Variants in CERS6 observed in about 807,000 individuals in gnomAD.
CERS6 encodes ceramide synthase 6.
CERS6 carries 26 observed loss-of-function variants against 56.8 expected under a neutral mutation model. That is an observed-to-expected ratio of 0.46 (90% CI 0.34 to 0.63). The LOEUF is 0.63. Ranked by LOEUF, CERS6 falls within the 30% of genes least tolerant of loss-of-function variation. CERS6 has a pLI of 0.01. For synonymous variants in CERS6, 164 were observed against 173.3 expected (o/e 0.95, Z 0.42); for missense variants, 415 against 467.5 (o/e 0.89, Z 1.04).
chr2:168,634,435 T>A (rs149669419), intron 4 of CERS6, among the ~76,000 whole-genome samples: 5,733 of 152,194 alleles, frequency 0.038, 305 homozygotes, highest in African/African-American at 0.12. Context: ...TTTTTTGAGA[T>A]GGAGTCTCGC....
chr2:168,586,651 C>T (rs1437732454), intron 3 of CERS6, among the ~76,000 whole-genome samples: 1 of 152,092 alleles, frequency 6.6e-6, no homozygotes, highest in Non-Finnish European at 1.5e-5. Flanking sequence ...CCATAAGTTT[C>T]ACACGTTGTC....
chr2:168,607,145 T>C (rs1045777920), intron 3 of CERS6, among the ~76,000 whole-genome samples: 2 of 151,912 alleles, frequency 1.3e-5, no homozygotes, highest in Non-Finnish European at 2.9e-5. Context: ...TTTAAATGGT[T>C]TTTACATTTT....
At chr2:168,527,886 A>G (rs577654435) in intron 1 of CERS6, among the ~76,000 whole-genome samples, 47 of 152,004 alleles carry the variant, frequency 3.1e-4, no homozygotes, top group South Asian at 1.0e-3. Flanking sequence ...ACACCAGGCT[A>G]ATTTTTGCAT....
intron 3 of CERS6, among the ~76,000 whole-genome samples, chr2:168,625,442 A>C (rs1018975651): frequency 1.3e-5 from 2 of 152,220 alleles, no homozygotes; most frequent in African/African-American, 4.8e-5. Flanking sequence ...AAATATACTT[A>C]AAAGTCAGTA....
chr2:168,679,451 A>G (rs1366974777), intron 4 of CERS6, among the ~76,000 whole-genome samples: 1 of 152,220 alleles, frequency 6.6e-6, no homozygotes, highest in Non-Finnish European at 1.5e-5. Context: ...TACAATTACA[A>G]TGTGTCAATT....
In CERS6 at chr2:168,604,196, C is replaced by A. The variant is rs936503501; in HGVS notation, c.408-26789C>A. On this transcript the variant is annotated intron_variant, in intron 3 of 9. Coordinates refer to ENST00000305747, the MANE Select transcript of CERS6 (RefSeq NM_203463.3). ...TTGATTTTAGTCCTTTTCCCTTAAC[C>A]CTATTTCCTGGCTGACTTGAAAATT... 1.6e-4 allele frequency among the ~76,000 whole-genome samples: 24 copies of A among 152,154 alleles called. 1 individual carries two copies. The highest frequency in any genetic ancestry group is 2.9e-4 in the Non-Finnish European group (20 of 68,030).
chr2:168,699,731 A>G (rs1239997601), intron 6 of CERS6, among the ~76,000 whole-genome samples: 1 of 152,156 alleles, frequency 6.6e-6, no homozygotes, highest in African/African-American at 2.4e-5. Flanking sequence ...TTGGTCAGTG[A>G]TGAGAAATAC....
intron 8 of CERS6, among the ~76,000 whole-genome samples, chr2:168,736,704 G>T (rs1462547696): frequency 6.6e-6 from 1 of 152,250 alleles, no homozygotes; most frequent in Non-Finnish European, 1.5e-5. Context: ...CAGGGAAAGT[G>T]AAGAATAATC....
In CERS6 at chr2:168,512,067, A is replaced by G. The variant is rs79677864; in HGVS notation, c.171-35529A>G. Reference sequence around the variant, plus strand: ...CCCTTAGCACGTTAGCCTAAGTGAAATAAGGCAGTCATAAAAGAAAAACTG... The same window carrying G: ...CCCTTAGCACGTTAGCCTAAGTGAAGTAAGGCAGTCATAAAAGAAAAACTG... On this transcript the variant is annotated intron_variant, in intron 1 of 9. Transcript: ENST00000305747. 3.6e-3 allele frequency among the ~76,000 whole-genome samples: 542 copies of G among 152,330 alleles called. 2 individuals carry two copies. The highest frequency in any genetic ancestry group is 0.012 in the African/African-American group (490 of 41,578).
intron 8 of CERS6, among the ~76,000 whole-genome samples, chr2:168,721,893 T>TA (rs1683184441): frequency 1.3e-5 from 2 of 152,266 alleles, no homozygotes; most frequent in South Asian, 4.1e-4. Flanking sequence ...GTGCTGGTAT[T>TA]ACAGGTATGA....
intron 3 of CERS6, among the ~76,000 whole-genome samples, chr2:168,612,635 AT>A (rs1337534617): frequency 1.3e-5 from 2 of 152,236 alleles, no homozygotes; most frequent in African/African-American, 2.4e-5. Flanking sequence ...GAGACATCAT[AT>A]GGGTTGCCTA....
chr2:168,527,182 T>G (rs1695085793), intron 1 of CERS6, among the ~76,000 whole-genome samples: 1 of 152,220 alleles, frequency 6.6e-6, no homozygotes, highest in South Asian at 2.1e-4. Context: ...CCCCTTAGCA[T>G]CAGTGGATTT....
At chr2:168,709,022 C>T (rs953008630) in intron 6 of CERS6, among the ~76,000 whole-genome samples, 1 of 152,104 alleles carries the variant, frequency 6.6e-6, no homozygotes, top group African/African-American at 2.4e-5. Flanking sequence ...CAGAGATTCT[C>T]TACAGCTTGA....
chr2:168,505,172 TAGAG>T (rs1036154610), intron 1 of CERS6, among the ~76,000 whole-genome samples: 3 of 151,762 alleles, frequency 2.0e-5, no homozygotes, highest in African/African-American at 7.3e-5. Flanking sequence ...GCCCAGGATT[TAGAG>T]AGAGAAGCCT....
intron 8 of CERS6, among the ~76,000 whole-genome samples, chr2:168,756,796 T>C (rs1684427103): frequency 6.6e-6 from 1 of 152,160 alleles, no homozygotes. Flanking sequence ...CAAGTCTCAG[T>C]GTCCCCCACC....
chr2:168,754,585 C>T (rs569979235), intron 8 of CERS6, among the ~76,000 whole-genome samples: 1 of 152,208 alleles, frequency 6.6e-6, no homozygotes, highest in African/African-American at 2.4e-5. Flanking sequence ...GGAATTTGAT[C>T]CCTGAAGAGT....
In CERS6 at chr2:168,721,578, C is replaced by A. The variant is rs1033297715; in HGVS notation, c.845+3600C>A. ...TGTTTTTTTTTTTGTTTAAAAAAAA[C>A]CAAAAAACAAAAACTAAAGAAAAAG... On this transcript the variant is annotated intron_variant, in intron 8 of 9. Transcript: ENST00000305747. Among the ~76,000 whole-genome samples the A allele has an allele frequency of 7.9e-4, 99 of 125,230 alleles. 1 individual carries two copies. The highest frequency in any genetic ancestry group is 4.3e-3 in the Middle Eastern group (1 of 230). The allele number at this position is 125,230 out of a possible 152,430, so 82.2% of individuals were successfully genotyped here.
At chr2:168,742,109 C>T (rs932652562) in intron 8 of CERS6, among the ~76,000 whole-genome samples, 2 of 152,164 alleles carry the variant, frequency 1.3e-5, no homozygotes, top group African/African-American at 4.8e-5. Flanking sequence ...ATTGGTGTTG[C>T]AGTTTGCTTC....
chr2:168,619,893 C>T, intron 3 of CERS6, among the ~76,000 whole-genome samples: 1 of 150,982 alleles, frequency 6.6e-6, no homozygotes, highest in East Asian at 2.0e-4. Context: ...ATGTTTATAG[C>T]TGCACAATTC....
Sources: allele counts gnomAD v4.1 joint callset (sites outside exome capture counted in the v4.1 genomes callset), GRCh38; gene constraint gnomAD v4.1.1; transcripts MANE v1.5; gene names NCBI Gene and HGNC (gene_info 2026-07-23, HGNC 2026-07-21).